The following LRP1B variants were observed in gnomAD, a reference collection of about 807,000 sequenced individuals.
The protein encoded by LRP1B is low-density lipoprotein receptor-related protein 1B.
A neutral mutation model predicts 556.6 loss-of-function variants in LRP1B; 217 were observed. That is an observed-to-expected ratio of 0.39 (90% CI 0.35 to 0.44). The LOEUF (loss-of-function observed/expected upper bound fraction) is 0.44. Ranked by LOEUF, LRP1B falls within the 20% of genes least tolerant of loss-of-function variation. LRP1B has a pLI of 1.00. For missense variants in LRP1B, 5,053 were observed against 5,620.8 expected (o/e 0.90, Z 3.23); for synonymous variants, 2,047 against 1,865.8 (o/e 1.10, Z -2.50).
At chr2:141,613,844 AG>A (rs1688194354) in intron 2 of LRP1B, among the ~76,000 whole-genome samples, 1 of 152,084 alleles carries the variant, frequency 6.6e-6, no homozygotes, top group Non-Finnish European at 1.5e-5. Context: ...AGGCCAAGGC[AG>A]GTGGATCACC....
chr2:140,624,652 C>T (rs1683589612), intron 41 of LRP1B, among the ~76,000 whole-genome samples: 1 of 152,134 alleles, frequency 6.6e-6, no homozygotes, highest in Non-Finnish European at 1.5e-5. Context: ...TGCACTCCAG[C>T]ACTCCAGCTT....
intron 3 of LRP1B, among the ~76,000 whole-genome samples, chr2:141,272,589 AG>A (rs1193556774): frequency 2.0e-5 from 3 of 152,190 alleles, no homozygotes; most frequent in African/African-American, 7.2e-5. Flanking sequence ...TGAGATCCAA[AG>A]ATACAAATAG....
intron 1 of LRP1B, among the ~76,000 whole-genome samples, chr2:141,987,076 A>G (rs1327052133): frequency 6.6e-6 from 1 of 151,950 alleles, no homozygotes; most frequent in Non-Finnish European, 1.5e-5. Flanking sequence ...CACATAATTC[A>G]CTTTTATCAA....
chr2:140,487,920 T>A (rs566484895), intron 57 of LRP1B, among the ~76,000 whole-genome samples, 181 bp from the exon 58 acceptor site: 92 of 152,098 alleles, frequency 6.0e-4, no homozygotes, highest in South Asian at 1.2e-3. Flanking sequence ...TTACATCGTA[T>A]GTTTAAAAAA....
chr2:141,253,856 G>GTAGATA (rs3038388), intron 4 of LRP1B, among the ~76,000 whole-genome samples: 32,429 of 151,346 alleles, frequency 0.21, 3,514 homozygotes, highest in South Asian at 0.25. Flanking sequence ...AATATTATAT[G>GTAGATA]TAGATATAGA....
chr2:142,096,954 T>C (rs942290868), intron 1 of LRP1B, among the ~76,000 whole-genome samples: 7 of 151,564 alleles, frequency 4.6e-5, no homozygotes, highest in African/African-American at 1.7e-4. Flanking sequence ...TTCCAAAATC[T>C]GATGGAGTGA....
chr2:140,763,638 A>G (rs1689003983), intron 35 of LRP1B, among the ~76,000 whole-genome samples: 1 of 152,146 alleles, frequency 6.6e-6, no homozygotes, highest in African/African-American at 2.4e-5. Context: ...ACATACTGAT[A>G]AATTAAATGC....
At chr2:140,744,145 A>T (rs1222566313) in intron 35 of LRP1B, among the ~76,000 whole-genome samples, 3 of 152,056 alleles carry the variant, frequency 2.0e-5, no homozygotes, top group Admixed American at 2.0e-4. Context: ...TAGATGTATT[A>T]ATTAATTTGA....
chr2:141,712,340 C>T (rs1692391954), intron 2 of LRP1B, among the ~76,000 whole-genome samples: 1 of 151,768 alleles, frequency 6.6e-6, no homozygotes, highest in Admixed American at 6.6e-5. Flanking sequence ...ATCACGTCAA[C>T]TGTACTCCAG....
intron 7 of LRP1B, among the ~76,000 whole-genome samples, chr2:141,141,622 T>C (rs1463574857): frequency 1.3e-5 from 2 of 152,174 alleles, no homozygotes; most frequent in African/African-American, 4.8e-5. Context: ...AATTACCACA[T>C]CCTTAATAAA....
intron 3 of LRP1B, among the ~76,000 whole-genome samples, chr2:141,426,366 C>G (rs1680363965): frequency 6.6e-6 from 1 of 152,090 alleles, no homozygotes; most frequent in African/African-American, 2.4e-5. Context: ...ATGCCTCCAG[C>G]TTTGTTCTTG....
chr2:141,181,420 G>A (rs1680986548), intron 7 of LRP1B, among the ~76,000 whole-genome samples: 2 of 151,906 alleles, frequency 1.3e-5, no homozygotes, highest in African/African-American at 4.8e-5. Flanking sequence ...TTAACTAGTG[G>A]TAATTCAGAG....
At chr2:140,407,336 G>A (rs1387354883) in intron 66 of LRP1B, among the ~76,000 whole-genome samples, 1 of 151,838 alleles carries the variant, frequency 6.6e-6, no homozygotes, top group African/African-American at 2.4e-5. Flanking sequence ...TAATAAATGG[G>A]ATCTAATTAA....
chr2:140,720,783 T>G (rs994824901), intron 35 of LRP1B, among the ~76,000 whole-genome samples: 2 of 152,124 alleles, frequency 1.3e-5, no homozygotes, highest in Non-Finnish European at 2.9e-5. Context: ...TTCAGTTATG[T>G]TTTCTGGCAT....
chr2:141,704,403 A>G (rs1692063467), intron 2 of LRP1B, among the ~76,000 whole-genome samples: 1 of 151,968 alleles, frequency 6.6e-6, no homozygotes, highest in African/African-American at 2.4e-5. Flanking sequence ...TCAATCATCA[A>G]AGAAGTACGT....
At chr2:140,911,914 A>C (rs937991430) in intron 21 of LRP1B, among the ~76,000 whole-genome samples, 1 of 151,780 alleles carries the variant, frequency 6.6e-6, no homozygotes, top group South Asian at 2.1e-4. Flanking sequence ...AATAGCAGTA[A>C]GGCTATTTGC....
At chr2:141,808,412 T>C (rs945586893) in intron 2 of LRP1B, among the ~76,000 whole-genome samples, 4 of 152,036 alleles carry the variant, frequency 2.6e-5, no homozygotes, top group South Asian at 2.1e-4. Context: ...TAGATACCAC[T>C]TGAAAAGGAG....
At chr2:141,133,893 C>T (rs1458545975) in intron 7 of LRP1B, among the ~76,000 whole-genome samples, 2 of 151,924 alleles carry the variant, frequency 1.3e-5, no homozygotes, top group African/African-American at 4.8e-5. Context: ...ATTCCTAATT[C>T]CCTACTGATC....
intron 2 of LRP1B, among the ~76,000 whole-genome samples, chr2:141,796,755 T>C (rs1695826339): frequency 6.6e-6 from 1 of 151,916 alleles, no homozygotes; most frequent in African/African-American, 2.4e-5. Flanking sequence ...GTAAAGCAGA[T>C]TCAAATATTT....
Sources: allele counts gnomAD v4.1 joint callset (sites outside exome capture counted in the v4.1 genomes callset), GRCh38; gene constraint gnomAD v4.1.1; transcripts MANE v1.5; gene names NCBI Gene and HGNC (gene_info 2026-07-23, HGNC 2026-07-21).